Variants in PALS1 observed in about 807,000 individuals in gnomAD.
The protein encoded by PALS1 is protein PALS1.
A neutral mutation model predicts 78.9 loss-of-function variants in PALS1; 31 were observed. The ratio of observed to expected loss-of-function variants is 0.39; its 90% CI spans 0.30 to 0.53. The LOEUF (loss-of-function observed/expected upper bound fraction) is 0.53. Ranked by LOEUF, PALS1 falls within the 20% of genes least tolerant of loss-of-function variation. The probability of loss-of-function intolerance (pLI) is 0.67; values close to 1 mark genes in which losing one functional copy is unlikely to be tolerated. For synonymous variants in PALS1, 276 were observed against 270.9 expected (o/e 1.02, Z -0.18); for missense variants, 704 against 826.5 (o/e 0.85, Z 1.82).
chr14:67,277,548 C>G (rs571787597), intron 2 of PALS1, among the ~76,000 whole-genome samples: 99 of 151,750 alleles, frequency 6.5e-4, no homozygotes, highest in African/African-American at 2.2e-3. Context: ...AAAGTGATGC[C>G]CAACTCAAGG....
rs1825304296 is a variant in PALS1 at position 67,335,767 on chromosome 14, A to G, written c.*2811A>G. On this transcript the variant is annotated 3_prime_UTR_variant, in exon 15 of 15. Coordinates refer to ENST00000261681, the MANE Select transcript of PALS1 (RefSeq NM_022474.4). ...CTGTTATTTTGAGATGTCATACTGT[A>G]CACTGTATTGTAAAAATAAAAAGTA... is the stretch of plus-strand genomic sequence containing the variant. The G allele has an allele frequency of 6.6e-6, 1 of 152,664 alleles. No homozygotes were observed. Among genetic ancestry groups the G allele is most frequent in the South Asian group, 2.1e-4 (1 of 4,832 alleles). 9.5% of individuals were successfully genotyped at this position (152,664 alleles called of 1,614,324 possible).
intron 12 of PALS1, 69 bp from the exon 13 acceptor site, chr14:67,320,988 C>A: frequency 7.7e-7 from 1 of 1,293,234 alleles, no homozygotes. Flanking sequence ...TTCTTTCTGA[C>A]TAGCAGAATT....
chr14:67,277,061 A>G (rs935904461), intron 2 of PALS1, among the ~76,000 whole-genome samples: 2 of 152,252 alleles, frequency 1.3e-5, no homozygotes, highest in Non-Finnish European at 2.9e-5. Flanking sequence ...AAAACTAAGC[A>G]TAGCACTGTA....
intron 1 of PALS1, among the ~76,000 whole-genome samples, chr14:67,267,780 C>G (rs1283648586): frequency 6.6e-6 from 1 of 152,122 alleles, no homozygotes; most frequent in Non-Finnish European, 1.5e-5. Flanking sequence ...CAGGAAACCA[C>G]CAAACTGCTT....
At chr14:67,323,948 C>A (rs2141009983) in intron 14 of PALS1, 136 bp downstream of exon 14, 1 of 537,866 alleles carries the variant, frequency 1.9e-6, no homozygotes, top group South Asian at 2.6e-5. Context: ...ATTACTTGCC[C>A]AAAAATTGCC....
intron 14 of PALS1, among the ~76,000 whole-genome samples, chr14:67,330,348 T>C (rs190198789): frequency 1.6e-3 from 244 of 152,076 alleles, no homozygotes; most frequent in African/African-American, 5.6e-3. Flanking sequence ...AATGTAGGCA[T>C]TTGAAATTAT....
At chr14:67,257,191 T>C (rs1443640565) in intron 1 of PALS1, among the ~76,000 whole-genome samples, 1 of 152,162 alleles carries the variant, frequency 6.6e-6, no homozygotes, top group Non-Finnish European at 1.5e-5. Context: ...TTTCACTGAA[T>C]ACACGGTTTA....
At chr14:67,252,272 C>T (rs892882235) in intron 1 of PALS1, among the ~76,000 whole-genome samples, 3 of 152,122 alleles carry the variant, frequency 2.0e-5, no homozygotes, top group Non-Finnish European at 4.4e-5. Context: ...TCACTGCAGC[C>T]TTCAACTCCT....
At chr14:67,309,660 A>G (rs189555391) in intron 8 of PALS1, among the ~76,000 whole-genome samples, 33 of 152,312 alleles carry the variant, frequency 2.2e-4, no homozygotes, top group African/African-American at 7.5e-4. Context: ...TCATAAATGT[A>G]GATATTCCCT....
intron 5 of PALS1, 138 bp from the exon 6 acceptor site, chr14:67,301,834 C>CTAAGTACTTAGT: frequency 1.0e-6 from 1 of 998,636 alleles, no homozygotes. Flanking sequence ...ATACTTAACA[C>CTAAGTACTTAGT]ATCTTTATTA....
At chr14:67,275,228 C>T (rs922913977) in intron 2 of PALS1, among the ~76,000 whole-genome samples, 57 of 152,124 alleles carry the variant, frequency 3.7e-4, no homozygotes, top group African/African-American at 1.3e-3. Context: ...CCAGTTTTTG[C>T]CCATTCAGTA....
intron 2 of PALS1, among the ~76,000 whole-genome samples, chr14:67,273,758 G>A (rs1403666170): frequency 2.6e-5 from 4 of 152,110 alleles, no homozygotes; most frequent in Non-Finnish European, 4.4e-5. Flanking sequence ...AAGTGTTCCT[G>A]TTTCTCCACA....
intron 1 of PALS1, among the ~76,000 whole-genome samples, chr14:67,264,934 AT>A (rs142160128): frequency 1.7e-4 from 24 of 144,640 alleles, no homozygotes; most frequent in Non-Finnish European, 2.4e-4. Context: ...CAGGAATCAT[AT>A]TTTTTTTTTC....
In PALS1 at chr14:67,279,241, C is replaced by A; in HGVS notation, c.71C>A (p.Ala24Glu). ...SDSEVKNVDL[A>E]SPEEHQKHRE... ...AGCGAAGTAAAAAATGTTGATCTTG[C>A]ATCACCAGAGGAACATCAGAAGCAC... The change falls in exon 3 of 15, where the codon GCA becomes GAA. Residue 24 changes from alanine (A) to glutamate (E), a missense_variant. Coordinates refer to ENST00000261681, the MANE Select transcript of PALS1 (RefSeq NM_022474.4). 6.2e-7 allele frequency: 1 copy of A among 1,613,302 alleles called. No individual in the cohort carries two copies. Among genetic ancestry groups the A allele is most frequent in the Non-Finnish European group, 8.5e-7 (1 of 1,179,790 alleles).
chr14:67,291,054 T>A (rs979411205), intron 3 of PALS1, among the ~76,000 whole-genome samples: 5 of 152,002 alleles, frequency 3.3e-5, no homozygotes, highest in Non-Finnish European at 5.9e-5. Flanking sequence ...GTGAAAGAAA[T>A]CACACAGGAA....
rs749130375 is a variant in PALS1 at position 67,302,422 on chromosome 14, C to T, written c.814C>T (p.Arg272Cys). ...ARDIPLGATV[R>C]NEMDSVIISR... ...TATATATTTTTAGGGTGCTACAGTT[C>T]GTAATGAAATGGACTCTGTCATCAT... Residue 272 changes from arginine to cysteine, a missense_variant, in exon 7 of 15, where the codon CGT (arginine) becomes TGT (cysteine). Arg to Cys is a radical substitution (Grantham distance 180). Transcript: ENST00000261681. 6.3e-6 allele frequency: 10 copies of T among 1,586,708 alleles called. No individual in the cohort carries two copies. Among genetic ancestry groups the T allele is most frequent in the African/African-American group, 2.7e-5 (2 of 73,484 alleles).
intron 1 of PALS1, among the ~76,000 whole-genome samples, chr14:67,255,463 T>C (rs373046401): frequency 6.6e-6 from 1 of 152,330 alleles, no homozygotes; most frequent in Non-Finnish European, 1.5e-5. Flanking sequence ...TTCTTACATT[T>C]TAAAATTAAA....
chr14:67,279,153 A>G lies in PALS1; in HGVS notation c.-18A>G. On this transcript the variant is annotated 5_prime_UTR_variant, in exon 3 of 15. Transcript: ENST00000261681. The stretch of plus-strand genomic sequence containing the variant: ...AAAATTGATTTATAAAAAGTGGTAC[A>G]GGTTTTCATAGATAACCATGACAAC... The G allele has an allele frequency of 6.5e-7, 1 of 1,536,432 alleles. No homozygotes were observed. The highest frequency in any genetic ancestry group is 8.7e-7 in the Non-Finnish European group (1 of 1,145,168).
chr14:67,275,335 A>G (rs531554718), intron 2 of PALS1, among the ~76,000 whole-genome samples: 252 of 152,204 alleles, frequency 1.7e-3, no homozygotes, highest in African/African-American at 5.6e-3. Flanking sequence ...ATGAAGGGCT[A>G]TTGAATTTTG....
Sources: gnomAD v4.1 joint callset for allele counts (sites outside exome capture counted in the v4.1 genomes callset) on GRCh38, gnomAD v4.1.1 for gene constraint, MANE v1.5 for transcripts, NCBI Gene and HGNC (gene_info 2026-07-23, HGNC 2026-07-21) for gene names.